Variants in SVIL observed in about 807,000 individuals in gnomAD.
SVIL encodes supervillin.
Under a neutral mutation model 240.4 loss-of-function variants are expected in SVIL, and 101 were observed. The ratio of observed to expected loss-of-function variants is 0.42; its 90% CI spans 0.36 to 0.50. The LOEUF (loss-of-function observed/expected upper bound fraction) is 0.50, where lower values mean the gene tolerates loss of function less well. Among genes scored for constraint, SVIL ranks in the 20% least tolerant of loss-of-function variants. The pLI is 0.01. For synonymous variants in SVIL, 999 were observed against 1,100.0 expected (o/e 0.91, Z 1.82); for missense variants, 2,512 against 2,818.7 (o/e 0.89, Z 2.46).
At chr10:29,697,922 A>G in intron 1 of SVIL, 2 of 558,026 alleles carry the variant, frequency 3.6e-6, no homozygotes, top group Non-Finnish European at 6.3e-6. Flanking sequence ...TCAGAATAAA[A>G]GTTAAATCAT....
At chr10:29,677,670 C>T (rs1032656577) in intron 2 of SVIL, among the ~76,000 whole-genome samples, 6 of 152,148 alleles carry the variant, frequency 3.9e-5, no homozygotes, top group African/African-American at 1.2e-4. Context: ...ATCCTCCATC[C>T]TCAGCCTCCC....
chr10:29,667,108 A>G (rs1283265912), intron 2 of SVIL, among the ~76,000 whole-genome samples: 1 of 152,140 alleles, frequency 6.6e-6, no homozygotes, highest in Non-Finnish European at 1.5e-5. Context: ...AGTTAAACTT[A>G]CCTTATGAAC....
At chr10:29,653,522 C>T (rs1457250438) in intron 3 of SVIL, among the ~76,000 whole-genome samples, 1 of 152,132 alleles carries the variant, frequency 6.6e-6, no homozygotes, top group Non-Finnish European at 1.5e-5. Flanking sequence ...GCCCTTTTCA[C>T]TTTCTTGATA....
At chr10:29,607,405 G>C (rs1957067025) in intron 1 of SVIL, among the ~76,000 whole-genome samples, 1 of 152,058 alleles carries the variant, frequency 6.6e-6, no homozygotes, top group East Asian at 1.9e-4. Context: ...TTAATGGTTG[G>C]TATTTTATAA....
At chr10:29,486,311 T>C (rs1308408485) in intron 25 of SVIL, 81 bp from the exon 26 acceptor site, 55 of 1,590,196 alleles carry the variant, frequency 3.5e-5, no homozygotes, top group Non-Finnish European at 4.5e-5. Flanking sequence ...GAATTTCACA[T>C]TGTAAAATTT....
chr10:29,521,550 T>C (rs1022274858), intron 16 of SVIL, among the ~76,000 whole-genome samples: 2 of 152,232 alleles, frequency 1.3e-5, no homozygotes, highest in Non-Finnish European at 2.9e-5. Flanking sequence ...ATGAGAAATT[T>C]TGTTACACAT....
At chr10:29,584,775 T>C (rs1390669648) in intron 1 of SVIL, among the ~76,000 whole-genome samples, 1 of 152,132 alleles carries the variant, frequency 6.6e-6, no homozygotes, top group African/African-American at 2.4e-5. Context: ...AGGGAGGCCG[T>C]GGACAGCCCG....
chr10:29,645,127 C>T (rs529380849), intron 3 of SVIL, among the ~76,000 whole-genome samples: 1 of 152,290 alleles, frequency 6.6e-6, no homozygotes, highest in South Asian at 2.1e-4. Context: ...CAGGTAAGGG[C>T]TTGGTTTTAG....
chr10:29,657,520 C>T (rs140921577), intron 3 of SVIL, among the ~76,000 whole-genome samples: 1 of 151,982 alleles, frequency 6.6e-6, no homozygotes, highest in Non-Finnish European at 1.5e-5. Flanking sequence ...TTTGAGAACT[C>T]CTGCTCCAGA....
At chr10:29,562,683 C>T (rs1412702659) in intron 3 of SVIL, among the ~76,000 whole-genome samples, 1 of 150,018 alleles carries the variant, frequency 6.7e-6, no homozygotes, top group African/African-American at 2.5e-5. Context: ...ATCACTTGAA[C>T]CTGGGAGGCG....
chr10:29,682,557 C>T (rs919611426), intron 2 of SVIL, among the ~76,000 whole-genome samples: 1 of 152,050 alleles, frequency 6.6e-6, no homozygotes, highest in Admixed American at 6.6e-5. Flanking sequence ...TAAAAGGAAC[C>T]AAACCATAAT....
At chr10:29,465,499 AC>A in intron 34 of SVIL, 95 bp downstream of exon 34, 3 of 1,459,916 alleles carry the variant, frequency 2.1e-6, no homozygotes, top group East Asian at 2.3e-5. Flanking sequence ...TACTTGGCAA[AC>A]AGAAGCTGCT....
chr10:29,662,415 C>T (rs1360178645), intron 2 of SVIL, among the ~76,000 whole-genome samples: 1 of 152,138 alleles, frequency 6.6e-6, no homozygotes, highest in Non-Finnish European at 1.5e-5. Flanking sequence ...TACCAATAAG[C>T]ATAATAATCA....
intron 1 of SVIL, among the ~76,000 whole-genome samples, chr10:29,618,244 A>C (rs947222892): frequency 6.6e-6 from 1 of 152,236 alleles, no homozygotes; most frequent in Non-Finnish European, 1.5e-5. Context: ...ATTAGGAACC[A>C]TGACCTCAAC....
At chr10:29,681,406 G>GGGGTGT (rs1554893788) in intron 2 of SVIL, among the ~76,000 whole-genome samples, 1 of 134,890 alleles carries the variant, frequency 7.4e-6, no homozygotes, top group Non-Finnish European at 1.6e-5. Flanking sequence ...AAGATGGAAT[G>GGGGTGT]GTGTGTGTGT....
At chr10:29,673,576 G>C (rs922238106) in intron 2 of SVIL, among the ~76,000 whole-genome samples, 1 of 124,404 alleles carries the variant, frequency 8.0e-6, no homozygotes, top group African/African-American at 3.7e-5. Context: ...CATGGCATTA[G>C]GGGGGAGAGA....
chr10:29,459,693 G>A (rs1439401532), intron 36 of SVIL, among the ~76,000 whole-genome samples: 1 of 152,072 alleles, frequency 6.6e-6, no homozygotes, highest in Non-Finnish European at 1.5e-5. Context: ...TTAAACTTGG[G>A]ACCCCAGATT....
intron 13 of SVIL, among the ~76,000 whole-genome samples, chr10:29,526,731 C>A (rs748639633): frequency 2.9e-4 from 44 of 152,194 alleles, no homozygotes; most frequent in Non-Finnish European, 5.3e-4. Flanking sequence ...TTAGTGTGAT[C>A]CTAGTTCTAA....
chr10:29,660,804 C>T (rs1486431159), intron 2 of SVIL, among the ~76,000 whole-genome samples: 1 of 152,208 alleles, frequency 6.6e-6, no homozygotes, highest in African/African-American at 2.4e-5. Flanking sequence ...TGGGGCTCTA[C>T]AACTGTGAGT....
Sources: gnomAD v4.1 joint callset for allele counts (sites outside exome capture counted in the v4.1 genomes callset) on GRCh38, gnomAD v4.1.1 for gene constraint, MANE v1.5 for transcripts, NCBI Gene and HGNC (gene_info 2026-07-23, HGNC 2026-07-21) for gene names.